Variants in ZFHX3 observed in about 807,000 individuals in gnomAD.
ZFHX3 encodes the protein zinc finger homeobox 3, also known as zinc finger homeobox protein 3.
ZFHX3 carries 42 observed loss-of-function variants against 279.1 expected under a neutral mutation model. The ratio of observed to expected loss-of-function variants is 0.15; its 90% confidence interval spans 0.12 to 0.19. ZFHX3 has a LOEUF of 0.19. Ranked by LOEUF, ZFHX3 falls within the 10% of genes least tolerant of loss-of-function variation. The probability of loss-of-function intolerance (pLI) is 1.00; values close to 1 mark genes in which losing one functional copy is unlikely to be tolerated. For synonymous variants in ZFHX3, 2,293 were observed against 1,957.8 expected (o/e 1.17, Z -4.52); for missense variants, 4,981 against 4,754.0 (o/e 1.05, Z -1.40).
intron 1 of ZFHX3, among the ~76,000 whole-genome samples, chr16:73,806,345 T>C (rs539938125): frequency 9.9e-5 from 15 of 152,036 alleles, no homozygotes; most frequent in African/African-American, 2.7e-4. Flanking sequence ...ACTGGCACAA[T>C]TGAGGAGCAG....
rs145344091 is a variant in ZFHX3 at position 72,796,300 on chromosome 16, G to C, written c.6382C>G (p.Leu2128Val). ...AGCTGATGCTGGTAGAGTTGGGCCA[G>C]GTCCGCAGGCAGAGGCTCCACAGGT... ...LGPVEPLPAD[L>V]AQLYQHQLNP... The change falls in exon 9 of 10, where the codon CTG becomes GTG. Residue 2128 changes from leucine (L) to valine (V), a missense_variant. Transcript: ENST00000268489. 35 of 1,614,026 alleles carry C rather than the reference G, an allele frequency of 2.2e-5. No individual in the cohort carries two copies. Among genetic ancestry groups the C allele is most frequent in the Non-Finnish European group, 2.5e-5 (29 of 1,180,026 alleles).
intron 3 of ZFHX3, among the ~76,000 whole-genome samples, chr16:73,330,424 T>A (rs1410916166): frequency 6.6e-6 from 1 of 152,150 alleles, no homozygotes; most frequent in Non-Finnish European, 1.5e-5. Flanking sequence ...TGTTAGAGGA[T>A]CATGCAAAGT....
intron 2 of ZFHX3, among the ~76,000 whole-genome samples, chr16:73,652,910 C>A (rs1433579932): frequency 6.6e-6 from 1 of 151,674 alleles, no homozygotes; most frequent in African/African-American, 2.4e-5. Flanking sequence ...AACCAACAGC[C>A]CCAATTCTCC....
intron 2 of ZFHX3, among the ~76,000 whole-genome samples, chr16:73,639,209 AAGTCCAC>A (rs1427000066): frequency 6.6e-6 from 1 of 152,172 alleles, no homozygotes; most frequent in African/African-American, 2.4e-5. Flanking sequence ...CAGCTTAATC[AAGTCCAC>A]AGCAGCATTT....
At chr16:73,114,917 C>A (rs997319607) in intron 7 of ZFHX3, among the ~76,000 whole-genome samples, 8 of 152,104 alleles carry the variant, frequency 5.3e-5, no homozygotes, top group Non-Finnish European at 1.2e-4. Context: ...CTCAGCCTCC[C>A]AAGCTGTAGG....
chr16:72,849,241 C>T (rs1372904505), intron 4 of ZFHX3, among the ~76,000 whole-genome samples: 2 of 152,050 alleles, frequency 1.3e-5, no homozygotes, highest in Non-Finnish European at 2.9e-5. Context: ...ATTCCATTTA[C>T]GCCCCTAACA....
intron 1 of ZFHX3, among the ~76,000 whole-genome samples, chr16:73,803,582 G>T (rs1960194967): frequency 1.3e-5 from 2 of 152,136 alleles, no homozygotes; most frequent in Non-Finnish European, 2.9e-5. Context: ...ATATGTAGAA[G>T]GATGTTTATT....
intron 2 of ZFHX3, among the ~76,000 whole-genome samples, chr16:73,659,770 C>T (rs747818124): frequency 6.6e-5 from 10 of 152,096 alleles, no homozygotes; most frequent in Admixed American, 1.3e-4. Context: ...GGGCGTATAT[C>T]GTGTACATGC....
At chr16:73,150,755 G>A (rs900049943) in intron 5 of ZFHX3, among the ~76,000 whole-genome samples, 1 of 152,170 alleles carries the variant, frequency 6.6e-6, no homozygotes, top group East Asian at 1.9e-4. Flanking sequence ...GGATGACAGA[G>A]CCTGTATACA....
chr16:72,787,047 T>TTTG lies in ZFHX3; in HGVS notation c.*116_*117insCAA. 9.8e-7 allele frequency: 1 copy of TTTG among 1,017,892 alleles called. No homozygotes were observed. The highest frequency in any genetic ancestry group is 1.2e-6 in the Non-Finnish European group (1 of 805,462). 63.1% of individuals were successfully genotyped at this position (1,017,892 alleles called of 1,614,324 possible). On this transcript the variant is annotated 3_prime_UTR_variant, in exon 10 of 10. Coordinates refer to ENST00000268489, the MANE Select transcript of ZFHX3 (RefSeq NM_006885.4). Reference sequence around the variant, plus strand: ...CGCTTTTTCTTTTTTTTCTTTTTTTTTTTTTTTTTGTTTTTTGGTTAGAAG... The same window carrying TTTG: ...CGCTTTTTCTTTTTTTTCTTTTTTTTTTGTTTTTTTTTGTTTTTTGGTTAGAAG...
intron 2 of ZFHX3, among the ~76,000 whole-genome samples, chr16:73,529,379 G>A (rs1013751880): frequency 3.3e-5 from 5 of 152,286 alleles, no homozygotes; most frequent in Non-Finnish European, 4.4e-5. Context: ...TATTGTGTCC[G>A]TTCTAGAGAA....
chr16:73,187,328 G>C lies in ZFHX3; in HGVS notation c.-1103-43497C>G, dbSNP rs139367524. ...ATTTTCCTGTTCTGATCTTTTCTCA[G>C]ATAGTAAAGAGGGATTTTTTTTTTT... On this transcript the variant is annotated intron_variant, in intron 5 of 17. Coordinates refer to the ZFHX3 transcript ENST00000641206. 6.0e-5 allele frequency among the ~76,000 whole-genome samples: 9 copies of C among 149,814 alleles called. No homozygotes were observed. The East Asian group carries it at 1.7e-3, about 29-fold the overall frequency.
Position 73,405,790 on chromosome 16 carries a change from T to A in ZFHX3, c.-1291+50213A>T, listed in dbSNP as rs554757653. ...TTTCACTAGGAATTATTTTTCAATG[T>A]ATGCTTAAAGTTTATTTTGGTAAAC... On this transcript the variant is annotated intron_variant, in intron 3 of 17. Transcript: ENST00000641206. 3.9e-5 allele frequency among the ~76,000 whole-genome samples: 6 copies of A among 152,366 alleles called. No homozygotes were observed. The South Asian group carries it at 1.2e-3, about 32-fold the overall frequency.
At chr16:73,531,333 C>T (rs1349380491) in intron 2 of ZFHX3, among the ~76,000 whole-genome samples, 1 of 152,118 alleles carries the variant, frequency 6.6e-6, no homozygotes, top group Admixed American at 6.5e-5. Flanking sequence ...TAATAACTTC[C>T]CCTTCAAAAA....
At chr16:73,469,432 A>C (rs1224574381) in intron 2 of ZFHX3, among the ~76,000 whole-genome samples, 1 of 152,004 alleles carries the variant, frequency 6.6e-6, no homozygotes, top group East Asian at 1.9e-4. Context: ...AGAACAGAGC[A>C]CCTGTATATG....
intron 2 of ZFHX3, among the ~76,000 whole-genome samples, chr16:73,459,901 C>T (rs2018443491): frequency 6.6e-6 from 1 of 152,198 alleles, no homozygotes; most frequent in Non-Finnish European, 1.5e-5. Flanking sequence ...CAATTACTTC[C>T]ACCTGGTCTC....
At chr16:73,840,296 G>A (rs1251053809) in intron 1 of ZFHX3, among the ~76,000 whole-genome samples, 2 of 152,108 alleles carry the variant, frequency 1.3e-5, no homozygotes, top group African/African-American at 4.8e-5. Flanking sequence ...GCTGCTAAAA[G>A]GCCCCCTTTT....
chr16:73,511,897 C>A (rs1335095448), intron 2 of ZFHX3, among the ~76,000 whole-genome samples: 1 of 152,052 alleles, frequency 6.6e-6, no homozygotes, highest in Non-Finnish European at 1.5e-5. Context: ...TTAAACCTGG[C>A]AAAAGCAACC....
At chr16:73,509,042 T>C (rs1280618724) in intron 2 of ZFHX3, among the ~76,000 whole-genome samples, 1 of 152,180 alleles carries the variant, frequency 6.6e-6, no homozygotes. Context: ...CATAGAGAAA[T>C]GCGTGTGCAC....
Sources: allele counts gnomAD v4.1 joint callset (sites outside exome capture counted in the v4.1 genomes callset), GRCh38; gene constraint gnomAD v4.1.1; transcripts MANE v1.5; gene names NCBI Gene and HGNC (gene_info 2026-07-23, HGNC 2026-07-21).